Variants in GPR55 observed in about 807,000 individuals in gnomAD.
GPR55 encodes the protein G protein-coupled receptor 55, also known as G-protein coupled receptor 55.
GPR55 carries 6 observed loss-of-function variants against 7.9 expected under a neutral mutation model. The ratio of observed to expected loss-of-function variants is 0.76; its 90% CI spans 0.41 to 1.49. The LOEUF is 1.49. Ranked by LOEUF, GPR55 falls within the 40% of genes most tolerant of loss-of-function variation. GPR55 has a pLI of 0.01. For synonymous variants in GPR55, 183 were observed against 166.8 expected, an observed-to-expected ratio of 1.10 and a Z score of -0.75; for missense variants, 376 against 406.0, an observed-to-expected ratio of 0.93 and a Z score of 0.63.
At position 230,923,948 on chromosome 2, in the gene GPR55, T is replaced by G. The variant is rs1027279969; in HGVS notation, c.-135+1220A>C. ...TGCTCCTCTTTCTCCTTGGACTCTC[T>G]CCTCCACTGCTAAAAATCCCACCTC... On this transcript the variant is annotated intron_variant, in intron 1 of 1. Transcript: ENST00000650999. This position sits in a 1 kb window ranked among gnomAD's most constrained non-coding sequence, Gnocchi z 4.1. Among the ~76,000 whole-genome samples, 4 of 151,918 alleles carry G rather than the reference T, an allele frequency of 2.6e-5. No homozygotes were observed. Among genetic ancestry groups the G allele is most frequent in the African/African-American group, 9.7e-5 (4 of 41,340 alleles).
At chr2:230,955,587 ACTT>A (rs1327706968) in intron 1 of GPR55, among the ~76,000 whole-genome samples, 1 of 152,250 alleles carries the variant, frequency 6.6e-6, no homozygotes, top group African/African-American at 2.4e-5. Flanking sequence ...CTCAATGGAA[ACTT>A]CTTAGAATTG....
At chr2:230,934,053 T>C (rs1184260037) in intron 1 of GPR55, among the ~76,000 whole-genome samples, 2 of 152,052 alleles carry the variant, frequency 1.3e-5, no homozygotes, top group African/African-American at 2.4e-5. Context: ...GGGCTCAGGG[T>C]GCTTTCCTTG....
chr2:230,953,720 T>C (rs1459916676), intron 1 of GPR55, among the ~76,000 whole-genome samples: 1 of 152,224 alleles, frequency 6.6e-6, no homozygotes, highest in African/African-American at 2.4e-5. Flanking sequence ...TAAAACCCTG[T>C]ACATCCTGTG....
intron 1 of GPR55, among the ~76,000 whole-genome samples, chr2:230,911,550 T>C (rs1013551124): frequency 6.6e-6 from 1 of 152,304 alleles, no homozygotes; most frequent in African/African-American, 2.4e-5. Flanking sequence ...GTTAGTTCAT[T>C]GGTTCAGGGA....
chr2:230,950,155 G>A (rs1263734656), intron 1 of GPR55, among the ~76,000 whole-genome samples: 6 of 152,228 alleles, frequency 3.9e-5, no homozygotes, highest in Non-Finnish European at 8.8e-5. Flanking sequence ...TCTAACACAG[G>A]AAACACTGAT....
chr2:230,954,681 C>A (rs1691454543), intron 1 of GPR55, among the ~76,000 whole-genome samples: 1 of 151,816 alleles, frequency 6.6e-6, no homozygotes, highest in Non-Finnish European at 1.5e-5. Context: ...CTATAGTCAC[C>A]CTGTTGTGCT....
rs1039172005 is a variant in GPR55, at chr2:230,909,431, C to T, written c.*572G>A. ...GGGTGATCCATGCTACTTGCCCAGC[C>T]CCAACACCACCCCTTCTTGCTGTCA... On this transcript the variant is annotated 3_prime_UTR_variant, in exon 2 of 2. Coordinates refer to ENST00000650999, the MANE Select transcript of GPR55 (RefSeq NM_005683.4). 1.3e-5 allele frequency: 2 copies of T among 153,506 alleles called. No individual in the cohort carries two copies. Among genetic ancestry groups the T allele is most frequent in the Admixed American group, 6.5e-5 (1 of 15,474 alleles). 9.5% of individuals were successfully genotyped at this position (153,506 alleles called of 1,614,324 possible). A position where few individuals can be genotyped will look rare whatever the true frequency, so the allele number is the denominator to read the frequency against.
intron 1 of GPR55, among the ~76,000 whole-genome samples, chr2:230,936,965 C>T (rs548266038): frequency 1.3e-5 from 2 of 152,290 alleles, no homozygotes; most frequent in South Asian, 4.2e-4. Context: ...GCCAGATTTC[C>T]TATGTCAAAT....
chr2:230,936,188 G>T (rs1333603403), intron 1 of GPR55, among the ~76,000 whole-genome samples: 1 of 152,216 alleles, frequency 6.6e-6, no homozygotes, highest in Non-Finnish European at 1.5e-5. Context: ...GAGCCTTGAA[G>T]GTAAGCCAGT....
intron 1 of GPR55, among the ~76,000 whole-genome samples, chr2:230,948,228 A>G (rs570685441): frequency 5.3e-5 from 8 of 152,042 alleles, no homozygotes; most frequent in Non-Finnish European, 7.4e-5. Context: ...TCAGCACTGA[A>G]AGGGAACTTA....
intron 1 of GPR55, among the ~76,000 whole-genome samples, chr2:230,931,342 G>A (rs779496190): frequency 6.6e-6 from 1 of 152,220 alleles, no homozygotes; most frequent in Non-Finnish European, 1.5e-5. Flanking sequence ...ACCCTGGGAG[G>A]TGCAAACGAT....
intron 1 of GPR55, among the ~76,000 whole-genome samples, chr2:230,918,644 T>C (rs891666546): frequency 6.6e-6 from 1 of 152,160 alleles, no homozygotes. Context: ...TGAATATATA[T>C]GCAAACATCC....
chr2:230,939,175 C>G (rs868542054), intron 1 of GPR55, among the ~76,000 whole-genome samples: 9 of 152,202 alleles, frequency 5.9e-5, no homozygotes, highest in Non-Finnish European at 1.0e-4. Flanking sequence ...AGCTTTGCCC[C>G]CAGCAGGCAG....
chr2:230,945,381 A>G lies in GPR55; in HGVS notation c.-135+15394T>C, dbSNP rs1307176409. The stretch of plus-strand genomic sequence containing the variant: ...GTGCATTGAGAATGCACTCCCAATG[A>G]CCCAGTTTTTCCAACAAATCAATGA... On this transcript the variant is annotated intron_variant, in intron 1 of 1. Transcript: ENST00000392039. Among the ~76,000 whole-genome samples the G allele has an allele frequency of 2.0e-5, 3 of 151,974 alleles. No individual in the cohort carries two copies. The East Asian group carries it at 5.8e-4, about 29-fold the overall frequency.
rs1461669645 is a variant in GPR55, at chr2:230,907,981, C to T, written c.*2022G>A. 2 of 152,120 alleles carry T rather than the reference C, an allele frequency of 1.3e-5. No homozygotes were observed. The highest frequency in any genetic ancestry group is 2.9e-5 in the Non-Finnish European group (2 of 68,052). 9.4% of individuals were successfully genotyped at this position (152,120 alleles called of 1,614,324 possible). A position where few individuals can be genotyped will look rare whatever the true frequency, so the allele number is the denominator to read the frequency against. On this transcript the variant is annotated 3_prime_UTR_variant, in exon 2 of 2. Transcript: ENST00000650999. ...GAGGGTGGTCACTAAATCCACCACCCGTAGACACTGACCCGAACCAGCCCC... is the reference window on the plus strand; with the variant it reads ...GAGGGTGGTCACTAAATCCACCACCTGTAGACACTGACCCGAACCAGCCCC...
intron 1 of GPR55, among the ~76,000 whole-genome samples, chr2:230,956,155 CTTTATTTA>C (rs201807623): frequency 1.1e-4 from 16 of 151,310 alleles, no homozygotes; most frequent in East Asian, 7.9e-4. Flanking sequence ...ATTTTATTTA[CTTTATTTA>C]TTTATTTATT....
chr2:230,913,803 T>C (rs940601342), intron 1 of GPR55, among the ~76,000 whole-genome samples: 68 of 152,134 alleles, frequency 4.5e-4, no homozygotes, highest in African/African-American at 1.5e-3. Flanking sequence ...CAAGTCTAAA[T>C]GTAAAATGTT....
chr2:230,930,512 A>G (rs1391284915), intron 1 of GPR55, among the ~76,000 whole-genome samples: 2 of 147,222 alleles, frequency 1.4e-5, no homozygotes, highest in Non-Finnish European at 3.0e-5. Flanking sequence ...GTGCAGTGGC[A>G]TGATCTCAGC....
At chr2:230,946,573 G>A (rs899645205) in intron 1 of GPR55, among the ~76,000 whole-genome samples, 45 of 152,214 alleles carry the variant, frequency 3.0e-4, no homozygotes, top group African/African-American at 1.1e-3. Context: ...GATGCACCCT[G>A]TAGTATTAGG....
Sources: allele counts gnomAD v4.1 joint callset (sites outside exome capture counted in the v4.1 genomes callset), GRCh38; gene constraint gnomAD v4.1.1; non-coding constraint Gnocchi (gnomAD v3.1); transcripts MANE v1.5; gene names NCBI Gene and HGNC (gene_info 2026-07-23, HGNC 2026-07-21).